Variants in OFD1 observed in about 807,000 individuals in gnomAD.
OFD1 encodes the protein OFD1 centriole and centriolar satellite protein, also known as centriole and centriolar satellite protein OFD1.
OFD1 carries 12 observed loss-of-function variants against 81.4 expected under a neutral mutation model. That is an observed-to-expected ratio of 0.15 (90% CI 0.09 to 0.24). The LOEUF is 0.24. Ranked by LOEUF, OFD1 falls within the 10% of genes least tolerant of loss-of-function variation. The pLI, the probability that OFD1 is intolerant of heterozygous loss-of-function variation, is 1.00. For missense variants in OFD1, 685 were observed against 733.9 expected, an observed-to-expected ratio of 0.93 and a Z score of 0.77; for synonymous variants, 256 against 263.7, an observed-to-expected ratio of 0.97 and a Z score of 0.28.
upstream of OFD1, among the ~76,000 whole-genome samples, chrX:13,733,143 AT>A (rs76965829): frequency 0.033 from 3,504 of 105,641 alleles, 82 homozygotes; most frequent in East Asian, 0.18. Flanking sequence ...CTTCAGGAAC[AT>A]TTTTTTTTTT....
intron 18 of OFD1, among the ~76,000 whole-genome samples, 176 bp downstream of exon 18, chrX:13,762,620 A>C (rs972842608): frequency 2.7e-5 from 3 of 112,719 alleles, no homozygotes; most frequent in East Asian, 5.5e-4. Context: ...GATGATTTTC[A>C]TGTGTGTGTT....
chrX:13,761,011 C>G, intron 16 of OFD1, 74 bp from the exon 17 acceptor site: 1 of 1,146,623 alleles, frequency 8.7e-7, no homozygotes, highest in South Asian at 1.8e-5. Context: ...ACTAGTAGAG[C>G]TCTTTAGAAA....
In OFD1 at chrX:13,761,185, C is replaced by G; in HGVS notation, c.2361C>G (p.Val787=). 8.3e-7 allele frequency: 1 copy of G among 1,210,933 alleles called. No individual in the cohort carries two copies. Among genetic ancestry groups the G allele is most frequent in the Non-Finnish European group, 1.1e-6 (1 of 894,991 alleles). Residue 787 remains valine (V), a synonymous_variant, in exon 17 of 23, where the codon GTC becomes GTG. Coordinates refer to ENST00000340096, the MANE Select transcript of OFD1 (RefSeq NM_003611.3). The part of the protein sequence containing the change: ...ESRHSLSIPP[V]SSPPEQKVGL... ...GGCACAGCCTCTCCATCCCTCCTGT[C>G]TCCAGCCCTCCGGAGCAGAAAGTGG... is the stretch of plus-strand genomic sequence containing the variant.
chrX:13,744,141 C>A (rs1231256002), intron 5 of OFD1, among the ~76,000 whole-genome samples: 1 of 110,706 alleles, frequency 9.0e-6, no homozygotes, highest in Non-Finnish European at 1.9e-5. Flanking sequence ...GTAAAATTAG[C>A]TGGGCGTGGT....
At chrX:13,721,640 T>C in the OFD1 span, 4 of 111,908 alleles carry the variant, frequency 3.6e-5, no homozygotes, top group East Asian at 8.4e-4. Flanking sequence ...TACTTGCTAA[T>C]GAATGACACA....
At chrX:13,768,563 GTTTAT>G (rs746218073) in intron 21 of OFD1, among the ~76,000 whole-genome samples, 150 bp from the exon 22 acceptor site, 1 of 111,873 alleles carries the variant, frequency 8.9e-6, no homozygotes, top group African/African-American at 3.2e-5. Context: ...ATACCCTATA[GTTTAT>G]TTTGATGTGC....
downstream of OFD1, among the ~76,000 whole-genome samples, chrX:13,770,611 G>A (rs1385681159): frequency 8.9e-6 from 1 of 111,956 alleles, no homozygotes; most frequent in East Asian, 2.8e-4. Flanking sequence ...CTACACACAT[G>A]CCCTTATTTT....
rs750984782 is a variant in OFD1 at position 13,760,637 on chromosome X, G to A, written c.2177G>A (p.Arg726His). 68 of 1,209,609 alleles carry A rather than the reference G, an allele frequency of 5.6e-5. No individual in the cohort carries two copies. Among genetic ancestry groups the A allele is most frequent in the Non-Finnish European group, 6.7e-5 (60 of 894,871 alleles). ...ALTGSAASRLRGGTSSRRLSS... is the reference protein window; with the variant it reads ...ALTGSAASRLHGGTSSRRLSS... ...ACAGGCAGTGCAGCCTCGAGGCTCC[G>A]CGGGGGCACTTCCTCCAGACGCCTC... Residue 726 changes from arginine (R) to histidine (H), a missense_variant, in exon 16 of 23, where the codon CGC becomes CAC. Arg to His is a conservative substitution (Grantham distance 29). Transcript: ENST00000340096.
At chrX:13,736,817 A>G in intron 3 of OFD1, 139 bp downstream of exon 3, 1 of 476,489 alleles carries the variant, frequency 2.1e-6, no homozygotes, top group Middle Eastern at 5.8e-4. Context: ...TTGTACCTGC[A>G]CATAATATAT....
Position 13,735,362 on chromosome X carries a change from G to C in OFD1, c.111+16G>C, listed in dbSNP as rs1278488059. ...TACACTCAAGGTATCGGATTTAGGC[G>C]TATCTGTGTCAGCTTTTACAAGTGT... On this transcript the variant is annotated intron_variant, in intron 2 of 22. Coordinates refer to ENST00000340096, the MANE Select transcript of OFD1 (RefSeq NM_003611.3). The C allele has an allele frequency of 5.3e-6, 6 of 1,141,666 alleles. No individual in the cohort carries two copies. Among genetic ancestry groups the C allele is most frequent in the Non-Finnish European group, 7.2e-6 (6 of 831,030 alleles). The allele number at this position is 1,141,666 out of a possible 1,213,427, so 94.1% of individuals were successfully genotyped here.
rs185693744 is a variant in OFD1, at chrX:13,759,792, A to G, written c.1655-323A>G. 4.4e-5 allele frequency among the ~76,000 whole-genome samples: 5 copies of G among 112,662 alleles called. No individual in the cohort carries two copies. The East Asian group carries it at 1.4e-3, about 31-fold the overall frequency. The stretch of plus-strand genomic sequence containing the variant: ...ACATCAGTTCAGGTCAAACTTTTCA[A>G]CCAAATGAGTTCAAGTCTGGTTGGG... On this transcript the variant is annotated intron_variant, in intron 15 of 22. Transcript: ENST00000340096.
At chrX:13,760,840 CAG>C in intron 16 of OFD1, 120 bp downstream of exon 16, 2 of 971,293 alleles carry the variant, frequency 2.1e-6, no homozygotes, top group Non-Finnish European at 1.4e-6. Flanking sequence ...GTTTGGCACA[CAG>C]AGCTGTTTAG....
chrX:13,747,408 G>T (rs2047336933), intron 8 of OFD1, among the ~76,000 whole-genome samples: 1 of 111,815 alleles, frequency 8.9e-6, no homozygotes, highest in Non-Finnish European at 1.9e-5. Context: ...TGAGTTTTCT[G>T]TTCTAGTTCT....
chrX:13,730,062 TAGAC>T (rs1320074911), upstream of OFD1, among the ~76,000 whole-genome samples: 1 of 111,224 alleles, frequency 9.0e-6, no homozygotes, highest in Non-Finnish European at 1.9e-5. Flanking sequence ...AAAGCCAAAA[TAGAC>T]AGATGGGATC....
At chrX:13,763,677 C>A (rs935285847) in intron 18 of OFD1, 68 bp from the exon 19 acceptor site, 2 of 891,140 alleles carry the variant, frequency 2.2e-6, no homozygotes, top group Non-Finnish European at 3.3e-6. Context: ...GTTGCCCCCA[C>A]ACTGCACTGC....
At chrX:13,716,721 G>A in the OFD1 span, 12 of 1,187,847 alleles carry the variant, frequency 1.0e-5, no homozygotes, top group Admixed American at 2.2e-5. Context: ...ATTTGCATAT[G>A]GCATCGAGAA....
Position 13,736,515 on chromosome X carries a change from A to G in OFD1, c.149A>G (p.His50Arg), listed in dbSNP as rs863225213. The G allele has an allele frequency of 1.4e-5, 17 of 1,209,359 alleles. No homozygotes were observed. Among genetic ancestry groups the G allele is most frequent in the Non-Finnish European group, 1.9e-5 (17 of 894,826 alleles). Residue 50 changes from histidine to arginine, a missense_variant, in exon 3 of 23, where the codon CAC becomes CGC. By Grantham distance (29) the His-to-Arg change is conservative. Around this residue, in one of 3 missense-constraint regions of OFD1, gnomAD observed 414 missense variants for 447.2 expected, o/e 0.93. Coordinates refer to ENST00000340096, the MANE Select transcript of OFD1 (RefSeq NM_003611.3). ...LRNQLIHELM[H>R]PVLSGELQPR... ...AACCAGCTAATTCATGAGTTGATGC[A>G]CCCTGTATTGAGTGGAGAACTGCAG...
intron 5 of OFD1, chrX:13,739,836 T>C: frequency 1.3e-6 from 1 of 752,924 alleles, no homozygotes; most frequent in African/African-American, 2.3e-5. Context: ...ATAACTACTG[T>C]GGGTTTCAGG....
At chrX:13,772,847 G>A, downstream of OFD1, 4 of 1,194,711 alleles carry the variant, frequency 3.3e-6, no homozygotes, top group South Asian at 1.8e-5. Context: ...TGTCAGAGCT[G>A]TAAATACGTC....
Sources: gnomAD v4.1 joint callset for allele counts (sites outside exome capture counted in the v4.1 genomes callset) on GRCh38, gnomAD v4.1.1 for gene constraint, gnomAD v4.1.1 regional missense constraint, MANE v1.5 for transcripts, NCBI Gene and HGNC (gene_info 2026-07-23, HGNC 2026-07-21) for gene names.